Variants in RAB24 observed in about 807,000 individuals in gnomAD.
The protein encoded by RAB24 is RAB24, member RAS oncogene family.
In RAB24, 9 loss-of-function variants were observed where a neutral mutation model predicts 31.4. The ratio of observed to expected loss-of-function variants is 0.29; its 90% confidence interval spans 0.17 to 0.50. The LOEUF (loss-of-function observed/expected upper bound fraction) is 0.50. Among genes scored for constraint, RAB24 ranks in the 20% least tolerant of loss-of-function variants. The probability of loss-of-function intolerance (pLI) is 0.98; values close to 1 mark genes in which losing one functional copy is unlikely to be tolerated. For missense variants in RAB24, 197 were observed against 265.2 expected (o/e 0.74, Z 1.79); for synonymous variants, 106 against 94.1 (o/e 1.13, Z -0.73).
At position 177,303,309 on chromosome 5, in the gene RAB24, C is replaced by G; in HGVS notation, c.-21G>C. 1 of 1,611,542 alleles carries G rather than the reference C, an allele frequency of 6.2e-7. No homozygotes were observed. The highest frequency in any genetic ancestry group is 2.2e-5 in the East Asian group (1 of 44,874). ...CTCATGCTCCCGGGGCCGCTTCAGC[C>G]ACGTCAGGGTCCTGAGCGGGGACGG... On this transcript the variant is annotated 5_prime_UTR_variant, in exon 1 of 8. Transcript: ENST00000303251. The surrounding 1 kb of genome is among the most constrained non-coding windows in gnomAD (Gnocchi z 6.1).
chr5:177,302,047 T>C (rs1760685435), intron 6 of RAB24, 60 bp from the exon 7 acceptor site: 1 of 1,609,978 alleles, frequency 6.2e-7, no homozygotes, highest in East Asian at 2.2e-5. Flanking sequence ...GATCTCCCAG[T>C]GACCCAGCCC....
Sources: gnomAD v4.1 joint callset for allele counts on GRCh38, gnomAD v4.1.1 for gene constraint, Gnocchi (gnomAD v3.1) non-coding constraint, MANE v1.5 for transcripts, NCBI Gene and HGNC (gene_info 2026-07-23, HGNC 2026-07-21) for gene names.